Variants in PRDM16 observed in about 807,000 individuals in gnomAD.
The protein encoded by PRDM16 is histone-lysine N-methyltransferase PRDM16.
PRDM16 carries 23 observed loss-of-function variants against 110.6 expected under a neutral mutation model. The ratio of observed to expected loss-of-function variants is 0.21; its 90% CI spans 0.15 to 0.29. The LOEUF is 0.29. Ranked by LOEUF, PRDM16 falls within the 10% of genes least tolerant of loss-of-function variation. PRDM16 has a pLI of 1.00. For missense variants in PRDM16, 1,615 were observed against 1,794.3 expected (o/e 0.90, Z 1.81); for synonymous variants, 799 against 781.8 (o/e 1.02, Z -0.37).
intron 8 of PRDM16, among the ~76,000 whole-genome samples, chr1:3,409,185 G>A (rs569835622): frequency 1.2e-4 from 17 of 146,840 alleles, no homozygotes; most frequent in African/African-American, 4.2e-4. Context: ...GAGTTGGTGC[G>A]TGTGTGTGTG....
chr1:3,396,575 G>C lies in PRDM16; in HGVS notation c.658G>C (p.Val220Leu). 1 of 1,591,602 alleles carries C rather than the reference G, an allele frequency of 6.3e-7. No homozygotes were observed. The change falls in exon 5 of 17, where the codon GTG (valine) becomes CTG (leucine). Residue 220 changes from valine (V) to leucine (L), a missense_variant. Physicochemically the swap from Val to Leu is conservative, Grantham distance 32. This residue lies in a region of PRDM16 where 416 missense variants were observed against 467.1 expected (regional missense o/e 0.89). Transcript: ENST00000270722. ...VKEGVYPLGT[V>L]PPGLDEEPTF... ...GGAAGGCGTCTACCCCCTGGGCACA[G>C]TGCCGCCCGGCCTGGACGGTAAGAC... is the stretch of plus-strand genomic sequence containing the variant.
chr1:3,098,920 G>A (rs1642469611), intron 1 of PRDM16, among the ~76,000 whole-genome samples: 1 of 152,172 alleles, frequency 6.6e-6, no homozygotes, highest in Non-Finnish European at 1.5e-5. Flanking sequence ...CCAAGGACCC[G>A]GCAAATGCTG....
intron 3 of PRDM16, among the ~76,000 whole-genome samples, chr1:3,366,160 A>G (rs981779531): frequency 1.1e-4 from 17 of 152,240 alleles, no homozygotes; most frequent in Non-Finnish European, 4.4e-5. Flanking sequence ...ATGTGCCGAC[A>G]GCCGGAGAAC....
At chr1:3,085,908 C>A (rs1405919891) in intron 1 of PRDM16, among the ~76,000 whole-genome samples, 1 of 152,242 alleles carries the variant, frequency 6.6e-6, no homozygotes, top group African/African-American at 2.4e-5. Flanking sequence ...CAGCAGGGCG[C>A]CCAGCCCTGA....
intron 1 of PRDM16, among the ~76,000 whole-genome samples, chr1:3,181,096 ACGCAGTCTTACACG>A (rs1445351160): frequency 8.7e-5 from 2 of 22,866 alleles, no homozygotes; most frequent in African/African-American, 1.5e-4. Context: ...GGCCTTACAC[ACGCAGTCTTACACG>A]CGGCCTTACA....
chr1:3,317,671 C>T (rs750345780), intron 3 of PRDM16, among the ~76,000 whole-genome samples: 19 of 152,218 alleles, frequency 1.2e-4, no homozygotes, highest in Non-Finnish European at 2.1e-4. Flanking sequence ...CCTGGGAAGC[C>T]GTCTGAGGGC....
intron 2 of PRDM16, among the ~76,000 whole-genome samples, chr1:3,221,768 C>T (rs1639156650): frequency 6.6e-6 from 1 of 152,256 alleles, no homozygotes. Context: ...CAGTGACATG[C>T]ATGCGTGTCT....
chr1:3,269,844 G>T (rs931530349), intron 3 of PRDM16, among the ~76,000 whole-genome samples: 6 of 84,238 alleles, frequency 7.1e-5, no homozygotes, highest in African/African-American at 6.8e-4. Context: ...CCCAGAGGAT[G>T]AAAGTCCCAG....
chr1:3,266,764 C>G (rs1168032074), intron 3 of PRDM16, among the ~76,000 whole-genome samples: 2 of 152,240 alleles, frequency 1.3e-5, no homozygotes, highest in African/African-American at 4.8e-5. Context: ...CAACCTCTGC[C>G]TCCCAGGGTC....
intron 3 of PRDM16, among the ~76,000 whole-genome samples, chr1:3,283,731 G>A (rs1463637606): frequency 6.6e-6 from 1 of 152,052 alleles, no homozygotes; most frequent in Non-Finnish European, 1.5e-5. Context: ...GGCGGTCAGC[G>A]AAGGGTTATG....
intron 3 of PRDM16, among the ~76,000 whole-genome samples, chr1:3,280,565 C>G (rs1448649202): frequency 2.6e-4 from 40 of 152,330 alleles, no homozygotes; most frequent in African/African-American, 9.4e-4. Flanking sequence ...TCCATCGCCT[C>G]CCTCGACTCC....
chr1:3,114,572 AC>A (rs145123279), intron 1 of PRDM16, among the ~76,000 whole-genome samples: 8,508 of 152,080 alleles, frequency 0.056, 330 homozygotes, highest in East Asian at 0.076. Flanking sequence ...ACAAGCACAC[AC>A]TTGCACACAC....
In PRDM16 at chr1:3,174,952, C is replaced by T. The variant is rs111589051; in HGVS notation, c.38-11173C>T. Reference sequence around the variant, plus strand: ...TGCTATCAATCTGCTGTGTTAATAGCGGCCGCTTGGTTCTGGGCACAGACG... The same window carrying T: ...TGCTATCAATCTGCTGTGTTAATAGTGGCCGCTTGGTTCTGGGCACAGACG... On this transcript the variant is annotated intron_variant, in intron 1 of 16. Transcript: ENST00000270722. Among the ~76,000 whole-genome samples the T allele has an allele frequency of 3.5e-3, 539 of 152,274 alleles. 2 individuals carry two copies. The highest frequency in any genetic ancestry group is 0.012 in the African/African-American group (501 of 41,548).
chr1:3,075,722 C>G (rs1324459934), intron 1 of PRDM16, among the ~76,000 whole-genome samples: 1 of 152,282 alleles, frequency 6.6e-6, no homozygotes, highest in Admixed American at 6.5e-5. Flanking sequence ...ATGGCGGTGC[C>G]GTTTCCGAAC....
intron 1 of PRDM16, among the ~76,000 whole-genome samples, chr1:3,101,126 G>C (rs925199280): frequency 5.3e-5 from 8 of 152,100 alleles, no homozygotes; most frequent in Non-Finnish European, 8.8e-5. Flanking sequence ...AAGCCTCCTC[G>C]CTGTGCCCCT....
In PRDM16 at chr1:3,186,111, G is replaced by A. The variant is rs368409902; in HGVS notation, c.38-14G>A. ...CACGTGCTGCAGAGGTTGACGCTGC[G>A]TTGTCTCCTTTAGGTGACGGTGACG... On this transcript the variant is annotated splice_polypyrimidine_tract_variant and intron_variant, in intron 1 of 16. Coordinates refer to ENST00000270722, the MANE Select transcript of PRDM16 (RefSeq NM_022114.4). 4.3e-4 allele frequency: 695 copies of A among 1,605,030 alleles called. No individual in the cohort carries two copies. Among genetic ancestry groups the A allele is most frequent in the Non-Finnish European group, 4.9e-4 (571 of 1,172,912 alleles).
At chr1:3,406,919 C>T (rs1405282981) in intron 8 of PRDM16, among the ~76,000 whole-genome samples, 2 of 152,196 alleles carry the variant, frequency 1.3e-5, no homozygotes, top group African/African-American at 4.8e-5. Context: ...ACACAGCATC[C>T]TTACGAAAGC....
At chr1:3,423,193 T>G (rs951568659) in intron 12 of PRDM16, among the ~76,000 whole-genome samples, 12 of 152,186 alleles carry the variant, frequency 7.9e-5, no homozygotes, top group African/African-American at 2.7e-4. Flanking sequence ...CTCCCAGGAC[T>G]GCCTCCCGTT....
intron 1 of PRDM16, among the ~76,000 whole-genome samples, chr1:3,114,257 C>A (rs114956514): frequency 7.1e-6 from 1 of 141,592 alleles, no homozygotes; most frequent in Non-Finnish European, 1.5e-5. Flanking sequence ...TGCACACGCA[C>A]GCGCACACGT....
Sources: gnomAD v4.1 joint callset for allele counts (sites outside exome capture counted in the v4.1 genomes callset) on GRCh38, gnomAD v4.1.1 for gene constraint, gnomAD v4.1.1 regional missense constraint, MANE v1.5 for transcripts, NCBI Gene and HGNC (gene_info 2026-07-23, HGNC 2026-07-21) for gene names.